CDH18: variants seen among roughly 807,000 people sequenced by gnomAD.
The protein encoded by CDH18 is cadherin 18, also known as cadherin-18.
Under a neutral mutation model 67.9 loss-of-function variants are expected in CDH18, and 31 were observed. That is an observed-to-expected ratio of 0.46 (90% CI 0.34 to 0.62). The LOEUF is 0.62. Ranked by LOEUF, CDH18 falls within the 20% of genes least tolerant of loss-of-function variation. CDH18 has a pLI of 0.01. For synonymous variants in CDH18, 362 were observed against 347.2 expected (o/e 1.04, Z -0.48); for missense variants, 890 against 975.5 (o/e 0.91, Z 1.17).
chr5:20,358,665 T>G (rs986518097), intron 1 of CDH18, among the ~76,000 whole-genome samples: 1 of 152,144 alleles, frequency 6.6e-6, no homozygotes, highest in African/African-American at 2.4e-5. Context: ...AGTTACAGGT[T>G]TTTTTAAGGT....
chr5:19,620,980 CAGAGCTGAAAA>C, intron 5 of CDH18, among the ~76,000 whole-genome samples: 1 of 152,204 alleles, frequency 6.6e-6, no homozygotes, highest in Non-Finnish European at 1.5e-5. Flanking sequence ...AAACCCATTA[CAGAGCTGAAAA>C]ATGGTAAGAT....
chr5:20,479,302 C>T (rs1327578756), intron 1 of CDH18, among the ~76,000 whole-genome samples: 1 of 151,974 alleles, frequency 6.6e-6, no homozygotes, highest in Non-Finnish European at 1.5e-5. Flanking sequence ...TCCAGAGTGA[C>T]AGAGATATAT....
chr5:19,658,124 CTTTA>C (rs1364580077), intron 5 of CDH18, among the ~76,000 whole-genome samples: 1 of 96,406 alleles, frequency 1.0e-5, no homozygotes, highest in African/African-American at 2.6e-5. Context: ...AAAGTTATCT[CTTTA>C]TTATTGCTTT....
intron 2 of CDH18, among the ~76,000 whole-genome samples, chr5:20,133,593 T>C (rs1749451952): frequency 6.6e-6 from 1 of 152,172 alleles, no homozygotes; most frequent in Non-Finnish European, 1.5e-5. Context: ...TATAACACTG[T>C]AAATATTTCA....
chr5:20,297,876 T>C (rs1435554701), intron 1 of CDH18, among the ~76,000 whole-genome samples: 1 of 152,188 alleles, frequency 6.6e-6, no homozygotes, highest in Non-Finnish European at 1.5e-5. Flanking sequence ...CCAGAAGTAG[T>C]TTCCTCTCAG....
chr5:20,526,299 A>G (rs1048050022), intron 1 of CDH18, among the ~76,000 whole-genome samples: 2 of 152,054 alleles, frequency 1.3e-5, no homozygotes, highest in Non-Finnish European at 2.9e-5. Flanking sequence ...AGGGGCAGCC[A>G]TGGTCTCAGG....
At chr5:20,487,523 ATATC>A (rs745815851) in intron 1 of CDH18, among the ~76,000 whole-genome samples, 6 of 150,956 alleles carry the variant, frequency 4.0e-5, no homozygotes, top group East Asian at 1.9e-4. Context: ...GTATATACAT[ATATC>A]TATCTATTTC....
chr5:19,511,595 G>A (rs986242757), intron 10 of CDH18, among the ~76,000 whole-genome samples: 5 of 152,166 alleles, frequency 3.3e-5, no homozygotes, highest in Admixed American at 6.5e-5. Context: ...CTCTTGCTAT[G>A]CTTTAGCAAA....
At position 20,328,997 on chromosome 5, in the gene CDH18, A is replaced by G. The variant is rs186800910; in HGVS notation, c.-579-73492T>C. Among the ~76,000 whole-genome samples, 14 of 152,314 alleles carry G rather than the reference A, an allele frequency of 9.2e-5. No homozygotes were observed. The East Asian group carries it at 2.5e-3, about 27-fold the overall frequency. Reference sequence around the variant, plus strand: ...TCTCATCTCAGAAATAAAACCCCCCAAAAACCAATTTTGCGACTATTAAAA... The same window carrying G: ...TCTCATCTCAGAAATAAAACCCCCCGAAAACCAATTTTGCGACTATTAAAA... On this transcript the variant is annotated intron_variant, in intron 1 of 14. Coordinates refer to the CDH18 transcript ENST00000507958.
intron 1 of CDH18, among the ~76,000 whole-genome samples, chr5:20,456,106 C>T (rs1750816731): frequency 1.3e-5 from 2 of 152,126 alleles, no homozygotes; most frequent in Non-Finnish European, 2.9e-5. Flanking sequence ...GTACAACATT[C>T]TTCTCTACCA....
intron 9 of CDH18, among the ~76,000 whole-genome samples, chr5:19,541,254 A>G (rs1214722452): frequency 1.3e-5 from 2 of 151,682 alleles, no homozygotes. Context: ...ATTTTGGTCA[A>G]AGCCATTCAA....
chr5:19,681,871 T>C (rs1477400602), intron 5 of CDH18, among the ~76,000 whole-genome samples: 2 of 152,076 alleles, frequency 1.3e-5, no homozygotes, highest in Non-Finnish European at 1.5e-5. Context: ...GTCTATTATA[T>C]AAACATGTGA....
chr5:19,989,517 C>T (rs796240602), upstream of CDH18, among the ~76,000 whole-genome samples: 5 of 152,290 alleles, frequency 3.3e-5, no homozygotes, highest in African/African-American at 1.2e-4. Context: ...AGGCAATCCT[C>T]ACTTTAGCAG....
intron 2 of CDH18, among the ~76,000 whole-genome samples, chr5:20,093,892 A>G (rs1745656245): frequency 1.3e-5 from 2 of 152,156 alleles, no homozygotes; most frequent in Non-Finnish European, 2.9e-5. Flanking sequence ...GCATCCAGAA[A>G]ATTTAGAATT....
intron 3 of CDH18, among the ~76,000 whole-genome samples, chr5:19,817,464 A>G (rs1460623384): frequency 6.6e-6 from 1 of 152,040 alleles, no homozygotes; most frequent in Admixed American, 6.6e-5. Flanking sequence ...GTAACAAGAG[A>G]CAATAAATAC....
At chr5:20,561,374 G>A (rs1032909580) in intron 1 of CDH18, among the ~76,000 whole-genome samples, 81 of 152,142 alleles carry the variant, frequency 5.3e-4, no homozygotes, top group Non-Finnish European at 1.1e-3. Flanking sequence ...CAATAATTGA[G>A]TGGAAAAATA....
At chr5:20,107,406 A>G (rs1747056729) in intron 2 of CDH18, among the ~76,000 whole-genome samples, 1 of 152,162 alleles carries the variant, frequency 6.6e-6, no homozygotes, top group South Asian at 2.1e-4. Context: ...CAGAAATCAA[A>G]TTCTTAAACA....
At chr5:20,483,713 A>C (rs1408188315) in intron 1 of CDH18, among the ~76,000 whole-genome samples, 3 of 151,956 alleles carry the variant, frequency 2.0e-5, no homozygotes, top group Non-Finnish European at 4.4e-5. Context: ...TGCTGGAAAA[A>C]CTAGATATCC....
chr5:20,048,388 T>C (rs1022496685), intron 2 of CDH18, among the ~76,000 whole-genome samples: 1 of 151,766 alleles, frequency 6.6e-6, no homozygotes, highest in Non-Finnish European at 1.5e-5. Context: ...TAATAGAAGA[T>C]AAACACTACC....
Sources: gnomAD v4.1 joint callset for allele counts (sites outside exome capture counted in the v4.1 genomes callset) on GRCh38, gnomAD v4.1.1 for gene constraint, MANE v1.5 for transcripts, NCBI Gene and HGNC (gene_info 2026-07-23, HGNC 2026-07-21) for gene names.